EPHA4: variants seen among roughly 807,000 people sequenced by gnomAD.
EPHA4 encodes the protein ephrin type-A receptor 4.
A neutral mutation model predicts 108.3 loss-of-function variants in EPHA4; 19 were observed. The observed-to-expected ratio is 0.18, with a 90% CI of 0.12 to 0.26. EPHA4 has a LOEUF of 0.26. Ranked by LOEUF, EPHA4 falls within the 10% of genes least tolerant of loss-of-function variation. The probability of loss-of-function intolerance (pLI) is 1.00; values close to 1 mark genes in which losing one functional copy is unlikely to be tolerated. For synonymous variants in EPHA4, 449 were observed against 455.5 expected (o/e 0.99, Z 0.18); for missense variants, 917 against 1,254.0 (o/e 0.73, Z 4.06).
At chr2:221,570,037 C>T (rs2106215126) in intron 1 of EPHA4, among the ~76,000 whole-genome samples, 1 of 149,138 alleles carries the variant, frequency 6.7e-6, no homozygotes, top group Non-Finnish European at 1.5e-5. Flanking sequence ...ATTCTCTTCT[C>T]TCTGTCCCTA....
intron 3 of EPHA4, among the ~76,000 whole-genome samples, chr2:221,520,529 CACACACACACACACAG>C (rs1002850614): frequency 1.5e-4 from 17 of 114,764 alleles, no homozygotes; most frequent in Admixed American, 2.6e-4. Context: ...CACACACACA[CACACACACACACACAG>C]AGAGAGAGAG....
At chr2:221,519,708 C>G (rs995795664) in intron 3 of EPHA4, among the ~76,000 whole-genome samples, 10 of 152,166 alleles carry the variant, frequency 6.6e-5, no homozygotes, top group Non-Finnish European at 1.5e-5. Flanking sequence ...ATGTTTCTGC[C>G]TCTGCCACTC....
chr2:221,539,236 T>C (rs1559285134), intron 3 of EPHA4, among the ~76,000 whole-genome samples: 1 of 152,312 alleles, frequency 6.6e-6, no homozygotes, highest in African/African-American at 2.4e-5. Context: ...GACGACAAGC[T>C]GATGTTGTAG....
intron 3 of EPHA4, among the ~76,000 whole-genome samples, chr2:221,559,419 G>A (rs548970761): frequency 2.0e-5 from 3 of 152,110 alleles, no homozygotes; most frequent in East Asian, 3.9e-4. Flanking sequence ...CACTAATAAC[G>A]AATCTTTTTG....
chr2:221,570,675 C>T (rs1694805566), intron 1 of EPHA4, among the ~76,000 whole-genome samples: 1 of 141,380 alleles, frequency 7.1e-6, no homozygotes, highest in African/African-American at 2.6e-5. Context: ...TTTTGGCTCC[C>T]TCCTTCGGAA....
chr2:221,499,731 TA>T (rs1692415945), intron 4 of EPHA4, among the ~76,000 whole-genome samples: 2 of 44,036 alleles, frequency 4.5e-5, no homozygotes, highest in Admixed American at 2.3e-4. Flanking sequence ...TATATATATA[TA>T]TATATATATA....
intron 5 of EPHA4, among the ~76,000 whole-genome samples, chr2:221,462,813 T>A (rs1691189775): frequency 6.6e-6 from 1 of 152,240 alleles, no homozygotes; most frequent in African/African-American, 2.4e-5. Context: ...ACATTAAAAC[T>A]AGGCATCACT....
chr2:221,487,717 A>T (rs1692019750), intron 4 of EPHA4, among the ~76,000 whole-genome samples: 1 of 152,310 alleles, frequency 6.6e-6, no homozygotes, highest in Admixed American at 6.5e-5. Context: ...ATATAAATTA[A>T]TCAAATGCTG....
At chr2:221,554,118 A>T (rs1341215856) in intron 3 of EPHA4, among the ~76,000 whole-genome samples, 2 of 152,252 alleles carry the variant, frequency 1.3e-5, no homozygotes, top group African/African-American at 4.8e-5. Context: ...CCAGATAAGC[A>T]GCTGAATTTT....
chr2:221,480,343 T>C lies in EPHA4; in HGVS notation c.1318+2009A>G, dbSNP rs558503136. 1.6e-3 allele frequency among the ~76,000 whole-genome samples: 240 copies of C among 152,274 alleles called. 2 individuals are homozygous for C. The highest frequency in any genetic ancestry group is 5.7e-3 in the African/African-American group (237 of 41,560). On this transcript the variant is annotated intron_variant, in intron 5 of 17. Transcript: ENST00000281821. ...TTATAATTCGGTTAAGAAAATGATGTAGTGCTTGCGAATGAATAGCCAAAA... is the reference window on the plus strand; with the variant it reads ...TTATAATTCGGTTAAGAAAATGATGCAGTGCTTGCGAATGAATAGCCAAAA...
In EPHA4 at chr2:221,572,302, C is replaced by CT. The variant is rs1197353299; in HGVS notation, c.-55dup. 8.0e-6 allele frequency: 12 copies of CT among 1,502,896 alleles called. No homozygotes were observed. In the African/African-American group the frequency reaches 1.6e-4, roughly 21 times the overall value. The allele number at this position is 1,502,896 out of a possible 1,614,324, so 93.1% of individuals were successfully genotyped here. ...CGCTTCTATCCCAGTGGAATAAATG[C>CT]TTAAGTTAGGAGAGCAGCGGGCTGA... On this transcript the variant is annotated 5_prime_UTR_variant, in exon 1 of 18. Coordinates refer to ENST00000281821, the MANE Select transcript of EPHA4 (RefSeq NM_004438.5).
chr2:221,520,549 G>A (rs1012572165), intron 3 of EPHA4, among the ~76,000 whole-genome samples: 1 of 148,344 alleles, frequency 6.7e-6, no homozygotes, highest in Admixed American at 7.2e-5. Context: ...CACACAGAGA[G>A]AGAGAGAGAG....
intron 5 of EPHA4, among the ~76,000 whole-genome samples, chr2:221,469,137 A>C (rs1156615228): frequency 6.6e-6 from 1 of 152,218 alleles, no homozygotes; most frequent in East Asian, 1.9e-4. Flanking sequence ...AATAGAAAAG[A>C]GTATGTGTTG....
chr2:221,446,148 C>A lies in EPHA4; in HGVS notation c.1749G>T (p.Ala583=). 1 of 1,550,086 alleles carries A rather than the reference C, an allele frequency of 6.5e-7. No homozygotes were observed. Among genetic ancestry groups the A allele is most frequent in the African/African-American group, 1.4e-5 (1 of 71,984 alleles). ...CTTGATTCAAATGTTTCTCTTCATC[C>A]GCTTCTTGTTTGGCTTTACTGTATT... The part of the protein sequence containing the change: ...RSKYSKAKQE[A]DEEKHLNQGV... The change falls in exon 9 of 18, where the codon GCG becomes GCT. Residue 583 remains alanine, a synonymous_variant. Coordinates refer to ENST00000281821, the MANE Select transcript of EPHA4 (RefSeq NM_004438.5).
At chr2:221,482,766 T>C (rs1456565076) in intron 4 of EPHA4, 76 bp from the exon 5 acceptor site, 1 of 1,362,548 alleles carries the variant, frequency 7.3e-7, no homozygotes, top group African/African-American at 1.4e-5. Flanking sequence ...TGTATTATTT[T>C]CTGCAGCTCT....
At chr2:221,452,295 T>C (rs1344568694) in intron 8 of EPHA4, among the ~76,000 whole-genome samples, 5 of 152,232 alleles carry the variant, frequency 3.3e-5, no homozygotes, top group Admixed American at 6.5e-5. Flanking sequence ...TCAGATTTCA[T>C]AGGCTAGGGT....
intron 5 of EPHA4, among the ~76,000 whole-genome samples, chr2:221,481,508 G>A (rs1028615324): frequency 6.6e-6 from 1 of 152,012 alleles, no homozygotes; most frequent in Admixed American, 6.6e-5. Flanking sequence ...ATAAAAATTA[G>A]CCAGGTATGG....
chr2:221,446,209 T>C, intron 8 of EPHA4, 28 bp from the exon 9 acceptor site: 1 of 1,413,256 alleles, frequency 7.1e-7, no homozygotes. Flanking sequence ...AAAAAGAGAA[T>C]TATTTTCCTC....
chr2:221,452,515 G>A (rs1690817968), intron 8 of EPHA4, among the ~76,000 whole-genome samples: 1 of 151,982 alleles, frequency 6.6e-6, no homozygotes, highest in South Asian at 2.1e-4. Context: ...TGCGTGAGGA[G>A]AAGAATTGGC....
Sources: gnomAD v4.1 joint callset for allele counts (sites outside exome capture counted in the v4.1 genomes callset) on GRCh38, gnomAD v4.1.1 for gene constraint, MANE v1.5 for transcripts, NCBI Gene and HGNC (gene_info 2026-07-23, HGNC 2026-07-21) for gene names.